INSL6: variants seen among roughly 807,000 people sequenced by gnomAD.
INSL6 encodes insulin-like peptide INSL6.
Under a neutral mutation model 9.4 loss-of-function variants are expected in INSL6, and 16 were observed. The observed-to-expected ratio is 1.70, with a 90% CI of 1.15 to 2.59. INSL6 has a LOEUF of 2.59. INSL6 is among the 30% of genes most tolerant of loss of function. INSL6 has a pLI of 0.00. For synonymous variants in INSL6, 154 were observed against 96.9 expected (o/e 1.59, Z -3.46); for missense variants, 391 against 257.3 (o/e 1.52, Z -3.56).
At chr9:5,182,859 T>TA (rs1825489658) in intron 1 of INSL6, among the ~76,000 whole-genome samples, 2 of 152,182 alleles carry the variant, frequency 1.3e-5, no homozygotes, top group Non-Finnish European at 2.9e-5. Context: ...GTCTTGGAGA[T>TA]ACTGCCTCCA....
chr9:5,104,166 G>T, the INSL6 span, among the ~76,000 whole-genome samples: 1 of 152,044 alleles, frequency 6.6e-6, no homozygotes, highest in African/African-American at 2.4e-5. Context: ...TACACTGCTA[G>T]CAAGACTAAT....
downstream of INSL6, among the ~76,000 whole-genome samples, chr9:5,159,797 C>T (rs1354574524): frequency 2.0e-5 from 3 of 152,200 alleles, no homozygotes; most frequent in Non-Finnish European, 4.4e-5. Context: ...AACAAACAGA[C>T]CTAATAGGTA....
chr9:5,024,727 A>G, the INSL6 span, among the ~76,000 whole-genome samples: 8 of 152,118 alleles, frequency 5.3e-5, no homozygotes, highest in African/African-American at 1.9e-4. Context: ...AATGTTTTCA[A>G]TGAATATCTT....
chr9:5,080,161 T>A, the INSL6 span: 1 of 1,194,620 alleles, frequency 8.4e-7, no homozygotes, highest in Non-Finnish European at 1.2e-6. Context: ...ACTTTAAAGC[T>A]ATTTACATAT....
At chr9:5,084,894 A>C in the INSL6 span, 1 of 440,170 alleles carries the variant, frequency 2.3e-6, no homozygotes, top group Non-Finnish European at 4.4e-6. Context: ...GATATCTTTT[A>C]AAATGATTTT....
chr9:5,060,882 T>C, the INSL6 span, among the ~76,000 whole-genome samples: 1 of 152,224 alleles, frequency 6.6e-6, no homozygotes, highest in African/African-American at 2.4e-5. Flanking sequence ...TCTTAGATAA[T>C]AAGACTTGAA....
intron 3 of INSL6, chr9:5,132,227 A>G (rs577414902): frequency 4.2e-4 from 64 of 152,330 alleles, no homozygotes; most frequent in Middle Eastern, 3.4e-3. Context: ...CTAAAAATTG[A>G]GACTTTACTG....
chr9:5,019,622 CCTTA>C, the INSL6 span, among the ~76,000 whole-genome samples: 4 of 152,234 alleles, frequency 2.6e-5, no homozygotes, highest in Middle Eastern at 6.8e-3. Flanking sequence ...TTTCTTGTGA[CCTTA>C]CTTCTTTGAT....
the INSL6 span, among the ~76,000 whole-genome samples, chr9:5,051,644 A>T: frequency 6.6e-6 from 1 of 152,182 alleles, no homozygotes; most frequent in African/African-American, 2.4e-5. Flanking sequence ...AAAGGTATAT[A>T]TAAGAATGGT....
the INSL6 span, among the ~76,000 whole-genome samples, chr9:5,045,903 C>T: frequency 6.6e-6 from 1 of 151,938 alleles, no homozygotes; most frequent in African/African-American, 2.4e-5. Context: ...CAATATATAC[C>T]CAGAAATGGA....
the INSL6 span, chr9:5,085,953 G>A: frequency 8.9e-6 from 10 of 1,127,140 alleles, no homozygotes; most frequent in South Asian, 8.6e-5. Context: ...GAAAGGATCG[G>A]TGTATTTCTC....
the INSL6 span, chr9:5,055,001 G>A: frequency 7.9e-5 from 58 of 731,934 alleles, no homozygotes; most frequent in Non-Finnish European, 1.2e-4. Flanking sequence ...GATAGAAGTG[G>A]AAGTTTTTAA....
At chr9:4,997,430 T>G in the INSL6 span, among the ~76,000 whole-genome samples, 1 of 152,156 alleles carries the variant, frequency 6.6e-6, no homozygotes, top group African/African-American at 2.4e-5. Context: ...TTTCAAGAGC[T>G]GGAGCAAAAG....
chr9:5,089,661 ATG>A, the INSL6 span: 1 of 1,295,418 alleles, frequency 7.7e-7, no homozygotes, highest in Non-Finnish European at 1.0e-6. Flanking sequence ...TCCTAATGTG[ATG>A]TGTCATTTAG....
chr9:5,017,802 T>TTTG, the INSL6 span, among the ~76,000 whole-genome samples: 1 of 152,190 alleles, frequency 6.6e-6, no homozygotes, highest in Non-Finnish European at 1.5e-5. Context: ...ATTGCCAGGT[T>TTTG]TTGTTGTTGT....
the INSL6 span, among the ~76,000 whole-genome samples, chr9:5,007,063 CT>C: frequency 6.6e-6 from 1 of 151,770 alleles, no homozygotes; most frequent in Non-Finnish European, 1.5e-5. Context: ...AATTTTAATG[CT>C]TTTAAAAAGC....
the INSL6 span, among the ~76,000 whole-genome samples, chr9:5,033,006 T>G: frequency 6.6e-6 from 1 of 152,028 alleles, no homozygotes; most frequent in African/African-American, 2.4e-5. Flanking sequence ...GAAAAAAAAT[T>G]AGACAAATGG....
chr9:4,994,382 T>G, the INSL6 span, among the ~76,000 whole-genome samples: 2 of 152,146 alleles, frequency 1.3e-5, no homozygotes, highest in Non-Finnish European at 2.9e-5. Context: ...GAAACACAAA[T>G]TGCCGCTGGG....
At chr9:5,049,261 C>A in the INSL6 span, among the ~76,000 whole-genome samples, 1 of 152,142 alleles carries the variant, frequency 6.6e-6, no homozygotes, top group Non-Finnish European at 1.5e-5. Context: ...ATGATGAAAA[C>A]AGATCTCCAT....
Sources: gnomAD v4.1 joint callset for allele counts (sites outside exome capture counted in the v4.1 genomes callset) on GRCh38, gnomAD v4.1.1 for gene constraint, MANE v1.5 for transcripts, NCBI Gene and HGNC (gene_info 2026-07-23, HGNC 2026-07-21) for gene names.